SOX6: variants seen among roughly 807,000 people sequenced by gnomAD.
The protein encoded by SOX6 is transcription factor SOX-6.
SOX6 carries 11 observed loss-of-function variants against 97.8 expected under a neutral mutation model. The observed-to-expected ratio is 0.11, with a 90% CI of 0.07 to 0.19. SOX6 has a LOEUF of 0.19. Ranked by LOEUF, SOX6 falls within the 10% of genes least tolerant of loss-of-function variation. The pLI, the probability that SOX6 is intolerant of heterozygous loss-of-function variation, is 1.00. For missense variants in SOX6, 810 were observed against 1,039.5 expected, an observed-to-expected ratio of 0.78 and a Z score of 3.04; for synonymous variants, 360 against 371.4, an observed-to-expected ratio of 0.97 and a Z score of 0.35.
At chr11:15,992,303 T>A (rs565857489) in intron 13 of SOX6, among the ~76,000 whole-genome samples, 2 of 152,260 alleles carry the variant, frequency 1.3e-5, no homozygotes, top group African/African-American at 4.8e-5. Context: ...AGGCCAACAT[T>A]TGAAACTACT....
intron 7 of SOX6, among the ~76,000 whole-genome samples, chr11:16,106,733 A>G (rs1465870404): frequency 6.6e-6 from 1 of 152,092 alleles, no homozygotes; most frequent in African/African-American, 2.4e-5. Flanking sequence ...AAAGGAAAAA[A>G]TGGATAAATT....
chr11:16,571,920 T>A (rs1469343264), intron 4 of SOX6, among the ~76,000 whole-genome samples: 1 of 152,372 alleles, frequency 6.6e-6, no homozygotes, highest in South Asian at 2.1e-4. Flanking sequence ...CCCAAAGTGC[T>A]GGGATTACAG....
intron 3 of SOX6, among the ~76,000 whole-genome samples, chr11:16,653,969 A>T (rs1847688966): frequency 6.6e-6 from 1 of 152,024 alleles, no homozygotes; most frequent in Admixed American, 6.6e-5. Flanking sequence ...ATCTGATTTT[A>T]AGTCAAAATT....
chr11:16,049,802 C>A lies in SOX6; in HGVS notation c.1388G>T (p.Ser463Ile). Residue 463 changes from serine to isoleucine, a missense_variant, in exon 11 of 16, where the codon AGC becomes ATC. Around this residue, in one of 9 missense-constraint regions of SOX6, gnomAD observed 244 missense variants for 261.0 expected, o/e 0.93. Transcript: ENST00000683767. ...GCTTCCTCCAATGGGGCTAGGGATG[C>A]TGCTTTTGTTTGGCAGATTGACAGG... ...TSPVNLPNKS[S>I]IPSPIGGSLG... 1 of 1,613,588 alleles carries A rather than the reference C, an allele frequency of 6.2e-7. No homozygotes were observed. Among genetic ancestry groups the A allele is most frequent in the Non-Finnish European group, 8.5e-7 (1 of 1,179,812 alleles).
chr11:16,416,038 C>A (rs896957776), intron 1 of SOX6, among the ~76,000 whole-genome samples: 1 of 152,160 alleles, frequency 6.6e-6, no homozygotes, highest in African/African-American at 2.4e-5. Flanking sequence ...CTGTTGCCTA[C>A]CTCTCCGTAC....
intron 12 of SOX6, among the ~76,000 whole-genome samples, chr11:16,029,705 G>A (rs1855312252): frequency 6.6e-6 from 1 of 151,836 alleles, no homozygotes; most frequent in South Asian, 2.1e-4. Context: ...ACAGTCTCAG[G>A]GAAAAAGGCA....
chr11:16,079,080 C>T (rs1348387158), intron 9 of SOX6, among the ~76,000 whole-genome samples: 2 of 152,088 alleles, frequency 1.3e-5, no homozygotes, highest in Non-Finnish European at 2.9e-5. Flanking sequence ...CCTGGAAATC[C>T]CTCAGCAATA....
At chr11:16,457,578 A>G (rs887595701) in intron 1 of SOX6, among the ~76,000 whole-genome samples, 11 of 152,248 alleles carry the variant, frequency 7.2e-5, no homozygotes, top group African/African-American at 2.4e-4. Context: ...GACTCAGGCC[A>G]CGTAATTTGA....
intron 4 of SOX6, among the ~76,000 whole-genome samples, chr11:16,596,670 C>T (rs1297365635): frequency 1.3e-5 from 2 of 152,238 alleles, no homozygotes; most frequent in African/African-American, 2.4e-5. Flanking sequence ...ATCCATACCT[C>T]TTCACTAGTA....
At position 16,055,868 on chromosome 11, in the gene SOX6, C is replaced by T. The variant is rs36071533; in HGVS notation, c.1135G>A (p.Val379Met). Reference protein sequence around the residue: ...LYAAQLASMQVSPGAKMPSTP... With the variant: ...LYAAQLASMQMSPGAKMPSTP... ...GATGGCATCTTTGCTCCAGGTGACA[C>T]CTGCATGCTGGCCAGCTGAGCGGCA... Residue 379 changes from valine to methionine, a missense_variant, in exon 10 of 16, where the codon GTG becomes ATG. Val to Met is a conservative substitution (Grantham distance 21). Coordinates refer to ENST00000683767, the MANE Select transcript of SOX6 (RefSeq NM_001367873.1). 1.3e-5 allele frequency: 21 copies of T among 1,613,716 alleles called. No individual in the cohort carries two copies. The highest frequency in any genetic ancestry group is 5.5e-5 in the South Asian group (5 of 91,066).
At chr11:16,130,701 T>A (rs560689320) in intron 6 of SOX6, among the ~76,000 whole-genome samples, 51 of 152,050 alleles carry the variant, frequency 3.4e-4, no homozygotes, top group African/African-American at 1.2e-3. Flanking sequence ...ATAAAATTAG[T>A]TAAGTATAGT....
chr11:16,504,678 C>T (rs934813101), intron 4 of SOX6, among the ~76,000 whole-genome samples: 12 of 152,010 alleles, frequency 7.9e-5, no homozygotes, highest in African/African-American at 2.4e-4. Flanking sequence ...GTCCCCTGCC[C>T]CCCGCCCAAA....
intron 3 of SOX6, among the ~76,000 whole-genome samples, chr11:16,675,768 T>G (rs1051458992): frequency 2.0e-5 from 3 of 152,240 alleles, no homozygotes; most frequent in African/African-American, 7.2e-5. Flanking sequence ...TGTCATCCCA[T>G]TGCTCTCTGG....
chr11:16,487,582 A>G (rs1860457033), intron 4 of SOX6, among the ~76,000 whole-genome samples: 1 of 152,226 alleles, frequency 6.6e-6, no homozygotes, highest in African/African-American at 2.4e-5. Context: ...AGAGATTTAA[A>G]AAGCAATCAT....
chr11:16,629,462 T>C (rs1848673445), intron 3 of SOX6, among the ~76,000 whole-genome samples: 2 of 152,224 alleles, frequency 1.3e-5, no homozygotes, highest in South Asian at 4.1e-4. Flanking sequence ...TCGTGGTGAA[T>C]TAACTTTTTG....
chr11:16,028,607 T>C (rs954678025), intron 12 of SOX6, among the ~76,000 whole-genome samples: 3 of 152,204 alleles, frequency 2.0e-5, no homozygotes, highest in Admixed American at 2.0e-4. Flanking sequence ...CCTCTGATTA[T>C]TGCAGTCTCA....
At chr11:16,539,180 C>T (rs1861360898) in intron 4 of SOX6, among the ~76,000 whole-genome samples, 1 of 152,234 alleles carries the variant, frequency 6.6e-6, no homozygotes, top group South Asian at 2.1e-4. Context: ...TGACTCAAAA[C>T]TGCACAACTA....
intron 4 of SOX6, among the ~76,000 whole-genome samples, chr11:16,503,267 A>C (rs1042592007): frequency 6.6e-6 from 1 of 151,514 alleles, no homozygotes; most frequent in South Asian, 2.1e-4. Flanking sequence ...AAAAAAAAAA[A>C]CATGAAAGTA....
At chr11:16,708,701 A>ATAGAGCCTAACATAGCCATGCGTGGGG (rs1475299076) in intron 3 of SOX6, among the ~76,000 whole-genome samples, 1 of 152,174 alleles carries the variant, frequency 6.6e-6, no homozygotes, top group African/African-American at 2.4e-5. Context: ...CTTTATCCTC[A>ATAGAGCCTAACATAGCCATGCGTGGGG]TAGAGCCTAA....
Sources: gnomAD v4.1 joint callset for allele counts (sites outside exome capture counted in the v4.1 genomes callset) on GRCh38, gnomAD v4.1.1 for gene constraint, gnomAD v4.1.1 regional missense constraint, MANE v1.5 for transcripts, NCBI Gene and HGNC (gene_info 2026-07-23, HGNC 2026-07-21) for gene names.